The following CDK14 variants were observed in gnomAD, a reference collection of about 807,000 sequenced individuals.
CDK14 encodes the protein cyclin-dependent kinase 14.
A neutral mutation model predicts 60.7 loss-of-function variants in CDK14; 34 were observed. That is an observed-to-expected ratio of 0.56 (90% CI 0.43 to 0.75). The LOEUF (loss-of-function observed/expected upper bound fraction) is 0.75. Ranked by LOEUF, CDK14 falls within the 30% of genes least tolerant of loss-of-function variation. The probability of loss-of-function intolerance (pLI) is 0.00; values close to 1 mark genes in which losing one functional copy is unlikely to be tolerated. For synonymous variants in CDK14, 197 were observed against 203.7 expected, an observed-to-expected ratio of 0.97 and a Z score of 0.28; for missense variants, 482 against 564.1, an observed-to-expected ratio of 0.85 and a Z score of 1.47.
At chr7:91,137,797 G>A (rs140691177) in intron 14 of CDK14, among the ~76,000 whole-genome samples, 5 of 152,022 alleles carry the variant, frequency 3.3e-5, no homozygotes, top group African/African-American at 9.7e-5. Flanking sequence ...TAGAGTAAGA[G>A]TCTTTTGTTC....
At chr7:90,975,955 C>T (rs1446620476) in intron 9 of CDK14, among the ~76,000 whole-genome samples, 4 of 152,036 alleles carry the variant, frequency 2.6e-5, no homozygotes, top group African/African-American at 4.8e-5. Flanking sequence ...GAACACCTAG[C>T]TTCATTTCCT....
chr7:90,827,826 C>A (rs1386724389), intron 5 of CDK14, among the ~76,000 whole-genome samples: 1 of 152,170 alleles, frequency 6.6e-6, no homozygotes, highest in African/African-American at 2.4e-5. Context: ...ATGCCTTGAT[C>A]TAACAACCAG....
chr7:90,983,058 G>A (rs1486582059), intron 9 of CDK14, among the ~76,000 whole-genome samples: 1 of 152,120 alleles, frequency 6.6e-6, no homozygotes, highest in Non-Finnish European at 1.5e-5. Flanking sequence ...AACAGATGCT[G>A]GCAAGGCTAC....
chr7:90,855,218 T>C (rs1251099845), intron 5 of CDK14, among the ~76,000 whole-genome samples: 1 of 152,226 alleles, frequency 6.6e-6, no homozygotes, highest in African/African-American at 2.4e-5. Flanking sequence ...TACAGGCTGA[T>C]ACAGGGTCTA....
At chr7:90,813,536 T>G (rs1789223954) in intron 5 of CDK14, among the ~76,000 whole-genome samples, 1 of 151,872 alleles carries the variant, frequency 6.6e-6, no homozygotes, top group Non-Finnish European at 1.5e-5. Flanking sequence ...TCACCTGAGG[T>G]CAGACGTTTG....
chr7:90,665,500 A>G lies in CDK14; in HGVS notation c.124-61067A>G, dbSNP rs186116229. On this transcript the variant is annotated intron_variant, in intron 2 of 14. Transcript: ENST00000380050. ...ACCAATTAAAAAGCAAATCCCCAGTAAGGCTGTGAGGGTACAGTTTTTAAC... is the reference window on the plus strand; with the variant it reads ...ACCAATTAAAAAGCAAATCCCCAGTGAGGCTGTGAGGGTACAGTTTTTAAC... 7.2e-5 allele frequency among the ~76,000 whole-genome samples: 11 copies of G among 152,288 alleles called. No individual in the cohort carries two copies. In the East Asian group the frequency reaches 1.4e-3, roughly 19 times the overall value.
chr7:90,904,807 G>A (rs1792639945), intron 7 of CDK14, among the ~76,000 whole-genome samples: 2 of 152,080 alleles, frequency 1.3e-5, no homozygotes, highest in East Asian at 1.9e-4. Context: ...AAGAAAAATC[G>A]ATAAAAAAGG....
chr7:90,802,548 C>T (rs1254298988), intron 5 of CDK14, among the ~76,000 whole-genome samples: 1 of 152,148 alleles, frequency 6.6e-6, no homozygotes, highest in Non-Finnish European at 1.5e-5. Context: ...GGTCCAGGGC[C>T]TGGTTTCTGA....
chr7:91,110,355 T>G (rs1799436485), intron 12 of CDK14, among the ~76,000 whole-genome samples: 1 of 152,160 alleles, frequency 6.6e-6, no homozygotes, highest in African/African-American at 2.4e-5. Flanking sequence ...AGGCATATAC[T>G]GTATTTAAAT....
chr7:91,048,093 A>G (rs914463777), intron 11 of CDK14, among the ~76,000 whole-genome samples: 11 of 152,188 alleles, frequency 7.2e-5, no homozygotes, highest in African/African-American at 2.7e-4. Context: ...AATAAATTTA[A>G]GCAATTAAAA....
intron 10 of CDK14, among the ~76,000 whole-genome samples, chr7:90,994,599 A>G (rs1321457185): frequency 1.3e-5 from 2 of 152,202 alleles, no homozygotes; most frequent in Non-Finnish European, 2.9e-5. Flanking sequence ...TTGTAGGGAA[A>G]AACTCCAGGA....
chr7:90,650,174 C>G (rs1272396559), intron 2 of CDK14, among the ~76,000 whole-genome samples: 2 of 152,166 alleles, frequency 1.3e-5, no homozygotes, highest in Non-Finnish European at 2.9e-5. Context: ...GATGGTATCT[C>G]ATTGTGGTTT....
chr7:90,941,124 A>G (rs1793919005), intron 8 of CDK14, among the ~76,000 whole-genome samples: 1 of 152,226 alleles, frequency 6.6e-6, no homozygotes, highest in South Asian at 2.1e-4. Context: ...GAAGTCCACA[A>G]CAGGGAAAAA....
At chr7:90,676,349 G>A (rs568042122) in intron 2 of CDK14, among the ~76,000 whole-genome samples, 6 of 152,210 alleles carry the variant, frequency 3.9e-5, no homozygotes, top group African/African-American at 1.2e-4. Context: ...CTGTGAGGGA[G>A]CTGTAAGGGT....
intron 3 of CDK14, among the ~76,000 whole-genome samples, chr7:90,745,311 G>A (rs917445997): frequency 5.3e-5 from 8 of 152,038 alleles, no homozygotes; most frequent in African/African-American, 9.7e-5. Flanking sequence ...TTGAGGGACC[G>A]TCTTGAGTAT....
In CDK14 at chr7:90,781,829, G is replaced by A. The variant is rs866416996; in HGVS notation, c.465-8744G>A. Reference sequence around the variant, plus strand: ...GTTTTGGTTACTGTAGCCTTGTAGTGTAGTTTGAAGTCAGGTAGCATGATG... The same window carrying A: ...GTTTTGGTTACTGTAGCCTTGTAGTATAGTTTGAAGTCAGGTAGCATGATG... On this transcript the variant is annotated intron_variant, in intron 4 of 14. Transcript: ENST00000380050. Among the ~76,000 whole-genome samples, 430 of 152,124 alleles carry A rather than the reference G, an allele frequency of 2.8e-3. 2 individuals carry two copies. The highest frequency in any genetic ancestry group is 9.6e-3 in the African/African-American group (398 of 41,488).
intron 9 of CDK14, among the ~76,000 whole-genome samples, chr7:90,964,236 G>C (rs535495946): frequency 2.6e-5 from 4 of 151,974 alleles, no homozygotes; most frequent in Non-Finnish European, 5.9e-5. Context: ...CCCTTCCTTC[G>C]TGGCCTTCCC....
intron 14 of CDK14, among the ~76,000 whole-genome samples, chr7:91,134,289 G>A (rs1455277967): frequency 1.3e-5 from 2 of 152,120 alleles, no homozygotes; most frequent in Non-Finnish European, 2.9e-5. Flanking sequence ...TGTAGCTAAA[G>A]TCTTTGAGGT....
chr7:90,724,542 T>G (rs1802566276), intron 2 of CDK14, among the ~76,000 whole-genome samples: 2 of 151,912 alleles, frequency 1.3e-5, no homozygotes, highest in Admixed American at 6.6e-5. Flanking sequence ...TTTGAGACTT[T>G]TCTTCTTTTC....
Sources: gnomAD v4.1 joint callset for allele counts (sites outside exome capture counted in the v4.1 genomes callset) on GRCh38, gnomAD v4.1.1 for gene constraint, MANE v1.5 for transcripts, NCBI Gene and HGNC (gene_info 2026-07-23, HGNC 2026-07-21) for gene names.